Variants in GADL1 observed in about 807,000 individuals in gnomAD.
The protein encoded by GADL1 is acidic amino acid decarboxylase GADL1.
In GADL1, 71 loss-of-function variants were observed where a neutral mutation model predicts 69.5. The observed-to-expected ratio is 1.02, with a 90% confidence interval of 0.84 to 1.25. GADL1 has a LOEUF of 1.25. Among genes scored for constraint, GADL1 ranks in the 50% most tolerant of loss-of-function variants. The pLI is 0.00. For synonymous variants in GADL1, 254 were observed against 214.4 expected, an observed-to-expected ratio of 1.18 and a Z score of -1.62; for missense variants, 737 against 631.8, an observed-to-expected ratio of 1.17 and a Z score of -1.79.
chr3:30,771,164 C>T lies in GADL1; in HGVS notation c.1392+7015G>A, dbSNP rs751361792. Among the ~76,000 whole-genome samples the T allele has an allele frequency of 9.0e-4, 137 of 152,210 alleles. 1 individual carries two copies. The highest frequency in any genetic ancestry group is 3.4e-3 in the Middle Eastern group (1 of 294). ...CTAGAAAAGAGATTGAGCATAAAAGCGAGAAAAGCACTGAGTATTCCCTGC... is the reference window on the plus strand; with the variant it reads ...CTAGAAAAGAGATTGAGCATAAAAGTGAGAAAAGCACTGAGTATTCCCTGC... On this transcript the variant is annotated intron_variant, in intron 14 of 14. Coordinates refer to ENST00000282538, the MANE Select transcript of GADL1 (RefSeq NM_207359.3).
chr3:30,777,045 C>G (rs529852196), intron 14 of GADL1, among the ~76,000 whole-genome samples: 1 of 152,138 alleles, frequency 6.6e-6, no homozygotes, highest in South Asian at 2.1e-4. Flanking sequence ...TCAGGTACTT[C>G]TTGGTTACCT....
At chr3:30,860,790 T>A (rs1559363454) in intron 2 of GADL1, among the ~76,000 whole-genome samples, 1 of 152,012 alleles carries the variant, frequency 6.6e-6, no homozygotes, top group Non-Finnish European at 1.5e-5. Flanking sequence ...ATGGAATAGT[T>A]AAGAGTGCAG....
chr3:30,827,368 TCA>T (rs1697698549), intron 11 of GADL1, among the ~76,000 whole-genome samples: 1 of 151,092 alleles, frequency 6.6e-6, no homozygotes, highest in Non-Finnish European at 1.5e-5. Context: ...ATGATTGAGA[TCA>T]GATAGTACAA....
intron 11 of GADL1, among the ~76,000 whole-genome samples, chr3:30,826,917 A>G (rs991529778): frequency 2.0e-5 from 3 of 151,872 alleles, no homozygotes; most frequent in Non-Finnish European, 4.4e-5. Context: ...CAGAGTCAAG[A>G]TTTTTAAAGT....
chr3:30,849,078 T>TTA (rs1196902825), intron 6 of GADL1, among the ~76,000 whole-genome samples: 28 of 152,100 alleles, frequency 1.8e-4, no homozygotes, highest in Non-Finnish European at 1.6e-4. Context: ...CCATGCCCTT[T>TTA]TATACCTGCA....
intron 11 of GADL1, among the ~76,000 whole-genome samples, chr3:30,826,349 C>G (rs1697680391): frequency 6.6e-6 from 1 of 151,878 alleles, no homozygotes; most frequent in South Asian, 2.1e-4. Flanking sequence ...TCTGTGATGA[C>G]TGGCAGAGAA....
chr3:30,820,396 C>A (rs1418604433), intron 11 of GADL1, among the ~76,000 whole-genome samples: 1 of 151,852 alleles, frequency 6.6e-6, no homozygotes, highest in Non-Finnish European at 1.5e-5. Context: ...CAATATGAAG[C>A]TAGATATTAG....
intron 14 of GADL1, among the ~76,000 whole-genome samples, chr3:30,755,772 T>C (rs1267064145): frequency 6.6e-6 from 1 of 152,160 alleles, no homozygotes; most frequent in Non-Finnish European, 1.5e-5. Flanking sequence ...AAGGCAAATG[T>C]CTAGATACCT....
At chr3:30,853,434 T>G (rs571529780) in intron 4 of GADL1, among the ~76,000 whole-genome samples, 1 of 152,180 alleles carries the variant, frequency 6.6e-6, no homozygotes, top group Admixed American at 6.6e-5. Flanking sequence ...TCAATTACCA[T>G]AATTTCACTG....
intron 14 of GADL1, among the ~76,000 whole-genome samples, chr3:30,735,216 T>C (rs569235642): frequency 7.8e-6 from 1 of 127,644 alleles, no homozygotes; most frequent in Admixed American, 7.1e-5. Flanking sequence ...CAATTTAACC[T>C]TCTACGGCAA....
At chr3:30,839,529 G>GAAAAAAAAAAAAAATA (rs1491390714) in intron 8 of GADL1, among the ~76,000 whole-genome samples, 1 of 133,796 alleles carries the variant, frequency 7.5e-6, no homozygotes, top group Admixed American at 7.6e-5. Flanking sequence ...AAAAAAAAAG[G>GAAAAAAAAAAAAAATA]TTGGAAGACA....
rs143347395 is a variant in GADL1 at position 30,730,072 on chromosome 3, T to C, written c.1393-1657A>G. ...GTGACACATTTTATTCTGAGCTTTC[T>C]AGAGATTAGAAAAATGTAACTAAAC... On this transcript the variant is annotated intron_variant, in intron 14 of 14. Transcript: ENST00000282538. Among the ~76,000 whole-genome samples, 54 of 152,306 alleles carry C rather than the reference T, an allele frequency of 3.5e-4. No individual in the cohort carries two copies. In the East Asian group the frequency reaches 0.01, roughly 29 times the overall value.
chr3:30,804,366 C>T (rs1378306415), intron 11 of GADL1, among the ~76,000 whole-genome samples: 1 of 152,156 alleles, frequency 6.6e-6, no homozygotes, highest in East Asian at 1.9e-4. Flanking sequence ...AAAGAGACAA[C>T]TTCTGCTGGT....
At chr3:30,892,864 T>C (rs2056639224) in intron 1 of GADL1, among the ~76,000 whole-genome samples, 1 of 152,224 alleles carries the variant, frequency 6.6e-6, no homozygotes, top group Non-Finnish European at 1.5e-5. Flanking sequence ...ATTTTATTTA[T>C]TTATTTTTTG....
At chr3:30,828,148 TCA>T (rs1172419014) in intron 11 of GADL1, among the ~76,000 whole-genome samples, 2 of 151,882 alleles carry the variant, frequency 1.3e-5, no homozygotes, top group Admixed American at 6.6e-5. Flanking sequence ...AAAAGCAGAT[TCA>T]GTTTGTTCTA....
intron 3 of GADL1, among the ~76,000 whole-genome samples, chr3:30,856,000 T>C (rs1305159086): frequency 6.6e-6 from 1 of 151,758 alleles, no homozygotes; most frequent in Non-Finnish European, 1.5e-5. Flanking sequence ...TAATTTATGA[T>C]TGATTTCCAT....
chr3:30,746,171 T>C (rs570156477), intron 14 of GADL1, among the ~76,000 whole-genome samples: 1 of 152,030 alleles, frequency 6.6e-6, no homozygotes, highest in Non-Finnish European at 1.5e-5. Context: ...GTAGTTTTAG[T>C]AGAGACAGGG....
At chr3:30,870,991 T>G (rs531892776) in intron 1 of GADL1, among the ~76,000 whole-genome samples, 1 of 150,386 alleles carries the variant, frequency 6.6e-6, no homozygotes, top group Non-Finnish European at 1.5e-5. Flanking sequence ...GAGACAAGAT[T>G]CATGCCATGG....
chr3:30,867,439 T>TATATATATATATATATATATATATATAA, intron 1 of GADL1, among the ~76,000 whole-genome samples: 1 of 138,870 alleles, frequency 7.2e-6, no homozygotes, highest in Non-Finnish European at 1.5e-5. Flanking sequence ...TATATATATA[T>TATATATATATATATATATATATATATAA]ACACATATAT....
Sources: allele counts gnomAD v4.1 joint callset (sites outside exome capture counted in the v4.1 genomes callset), GRCh38; gene constraint gnomAD v4.1.1; transcripts MANE v1.5; gene names NCBI Gene and HGNC (gene_info 2026-07-23, HGNC 2026-07-21).